Variants in CCSER2 observed in about 807,000 individuals in gnomAD.
CCSER2 encodes the protein coiled-coil serine rich protein 2, also known as serine-rich coiled-coil domain-containing protein 2.
Under a neutral mutation model 92.3 loss-of-function variants are expected in CCSER2, and 46 were observed. The ratio of observed to expected loss-of-function variants is 0.50; its 90% confidence interval spans 0.39 to 0.64. The LOEUF (loss-of-function observed/expected upper bound fraction) is 0.64, where lower values mean the gene tolerates loss of function less well. Among genes scored for constraint, CCSER2 ranks in the 30% least tolerant of loss-of-function variants. CCSER2 has a pLI of 0.00. For missense variants in CCSER2, 1,244 were observed against 1,238.9 expected, an observed-to-expected ratio of 1.00 and a Z score of -0.06; for synonymous variants, 433 against 431.4, an observed-to-expected ratio of 1.00 and a Z score of -0.04.
intron 3 of CCSER2, among the ~76,000 whole-genome samples, chr10:84,416,158 A>G (rs1353783472): frequency 6.6e-6 from 1 of 152,158 alleles, no homozygotes; most frequent in Admixed American, 6.5e-5. Flanking sequence ...GGATTGCACA[A>G]TCACTCACCA....
chr10:84,438,122 T>C (rs1844296541), intron 5 of CCSER2, among the ~76,000 whole-genome samples: 1 of 152,154 alleles, frequency 6.6e-6, no homozygotes. Flanking sequence ...AGCATCGTTA[T>C]GGGGCTAAAA....
intron 6 of CCSER2, among the ~76,000 whole-genome samples, chr10:84,457,440 T>TA (rs200220884): frequency 0.85 from 88,352 of 104,144 alleles, 37,593 homozygotes; most frequent in East Asian, 0.9. Flanking sequence ...TATTTATATA[T>TA]AAATACATAT....
chr10:84,513,100 C>G (rs1218129072), intron 9 of CCSER2, among the ~76,000 whole-genome samples: 1 of 151,972 alleles, frequency 6.6e-6, no homozygotes, highest in Non-Finnish European at 1.5e-5. Context: ...GAGGTTAAAC[C>G]AAAAGCTGTA....
intron 3 of CCSER2, among the ~76,000 whole-genome samples, chr10:84,407,415 T>C (rs1195466776): frequency 6.6e-6 from 1 of 152,248 alleles, no homozygotes; most frequent in Admixed American, 6.5e-5. Flanking sequence ...TTTTTTATGC[T>C]ATATTTTAGT....
chr10:84,362,732 A>G (rs1845567013), intron 1 of CCSER2, among the ~76,000 whole-genome samples: 1 of 152,170 alleles, frequency 6.6e-6, no homozygotes, highest in African/African-American at 2.4e-5. Context: ...CCTCTTTAAA[A>G]CTTTGAAGAA....
At chr10:84,386,294 T>C (rs1841199710) in intron 3 of CCSER2, among the ~76,000 whole-genome samples, 1 of 152,256 alleles carries the variant, frequency 6.6e-6, no homozygotes, top group Non-Finnish European at 1.5e-5. Context: ...CACTTGTATG[T>C]TTATCACAAT....
At chr10:84,419,108 T>C (rs531246621) in intron 4 of CCSER2, among the ~76,000 whole-genome samples, 2 of 152,150 alleles carry the variant, frequency 1.3e-5, no homozygotes, top group Admixed American at 1.3e-4. Flanking sequence ...ACAAGATTTT[T>C]TGAAGAGGGG....
intron 7 of CCSER2, among the ~76,000 whole-genome samples, chr10:84,469,576 G>A (rs1391975851): frequency 2.0e-5 from 3 of 151,960 alleles, no homozygotes; most frequent in African/African-American, 7.2e-5. Flanking sequence ...TTTCTCTCTG[G>A]AAAGATGTTA....
At chr10:84,381,473 A>G (rs1840901513) in intron 3 of CCSER2, among the ~76,000 whole-genome samples, 1 of 152,210 alleles carries the variant, frequency 6.6e-6, no homozygotes, top group Non-Finnish European at 1.5e-5. Context: ...AAATGATAAG[A>G]GCACAGTAGG....
rs150621117 is a variant in CCSER2 at position 84,371,915 on chromosome 10, A to G, written c.863A>G (p.Tyr288Cys). The G allele has an allele frequency of 7.8e-3, 12,537 of 1,613,846 alleles. 75 individuals carry two copies. The highest frequency in any genetic ancestry group is 0.01 in the Non-Finnish European group (11,818 of 1,179,802). The part of the protein sequence containing the change: ...EVLNGNEHLG[Y>C]GFNRPYAAGG... The stretch of plus-strand genomic sequence containing the variant: ...CTCAATGGGAATGAACATTTGGGGT[A>G]TGGATTTAATAGGCCTTATGCTGCT... Residue 288 changes from tyrosine (Y) to cysteine (C), a missense_variant, in exon 2 of 10, where the codon TAT becomes TGT. By Grantham distance (194) the Tyr-to-Cys change is radical. Coordinates refer to ENST00000372088, the MANE Select transcript of CCSER2 (RefSeq NM_001284240.2).
chr10:84,501,901 A>C (rs1184990572), intron 9 of CCSER2, among the ~76,000 whole-genome samples: 3 of 126,388 alleles, frequency 2.4e-5, no homozygotes, highest in African/African-American at 5.4e-5. Context: ...GTAGGTTCTC[A>C]CGGCCTGTGC....
In CCSER2 at chr10:84,343,732, G is replaced by A. The variant is rs548383882; in HGVS notation, c.-40+14924G>A. Among the ~76,000 whole-genome samples, 4 of 152,308 alleles carry A rather than the reference G, an allele frequency of 2.6e-5. No individual in the cohort carries two copies. The South Asian group carries it at 6.2e-4, about 24-fold the overall frequency. On this transcript the variant is annotated intron_variant, in intron 1 of 9. Coordinates refer to ENST00000372088, the MANE Select transcript of CCSER2 (RefSeq NM_001284240.2). The stretch of plus-strand genomic sequence containing the variant: ...AAGGCAAGAAAAGTTGTATGGAAAC[G>A]GCTCTGGCTGGGATATGTGCCAGAA...
At chr10:84,368,408 A>G (rs1845895308) in intron 1 of CCSER2, among the ~76,000 whole-genome samples, 1 of 151,666 alleles carries the variant, frequency 6.6e-6, no homozygotes, top group South Asian at 2.1e-4. Flanking sequence ...ACACACAAAT[A>G]TATATATATA....
chr10:84,362,589 A>G (rs1268191021), intron 1 of CCSER2, among the ~76,000 whole-genome samples: 1 of 152,202 alleles, frequency 6.6e-6, no homozygotes, highest in Non-Finnish European at 1.5e-5. Context: ...TTCTTAAACC[A>G]CAAATTCCTT....
At chr10:84,341,177 G>C (rs1003842102) in intron 1 of CCSER2, among the ~76,000 whole-genome samples, 1 of 150,936 alleles carries the variant, frequency 6.6e-6, no homozygotes, top group African/African-American at 2.4e-5. Flanking sequence ...GACTACAAGC[G>C]TGTGCCACCA....
In CCSER2 at chr10:84,332,412, TTATA is replaced by T. The variant is rs1554828778; in HGVS notation, c.-40+3626_-40+3629del. ...ATTTTATATTATTAAATTTATTTTT[TTATA>T]TATATATATATATATATATATTTTT... On this transcript the variant is annotated intron_variant, in intron 1 of 9. Transcript: ENST00000372088. Among the ~76,000 whole-genome samples, 287 of 82,200 alleles carry T rather than the reference TTATA, an allele frequency of 3.5e-3. 14 individuals carry two copies. The highest frequency in any genetic ancestry group is 0.023 in the Middle Eastern group (2 of 88). 53.9% of individuals were successfully genotyped at this position (82,200 alleles called of 152,430 possible).
At chr10:84,492,600 C>T (rs910073922) in intron 9 of CCSER2, among the ~76,000 whole-genome samples, 1 of 152,156 alleles carries the variant, frequency 6.6e-6, no homozygotes, top group Non-Finnish European at 1.5e-5. Context: ...TGTTAGCTAT[C>T]GATATTTGGG....
chr10:84,368,801 T>C (rs747545535), intron 1 of CCSER2, among the ~76,000 whole-genome samples: 22 of 152,164 alleles, frequency 1.4e-4, no homozygotes, highest in Non-Finnish European at 2.9e-4. Context: ...TGTACCCTAC[T>C]ACATTGTGTA....
intron 1 of CCSER2, among the ~76,000 whole-genome samples, chr10:84,342,870 GTTTCTC>G (rs1257077454): frequency 1.3e-5 from 2 of 152,072 alleles, no homozygotes; most frequent in East Asian, 1.9e-4. Flanking sequence ...TCGTTCTCCT[GTTTCTC>G]TTTCTCTTTC....
Sources: allele counts gnomAD v4.1 joint callset (sites outside exome capture counted in the v4.1 genomes callset), GRCh38; gene constraint gnomAD v4.1.1; transcripts MANE v1.5; gene names NCBI Gene and HGNC (gene_info 2026-07-23, HGNC 2026-07-21).